GULP1: variants seen among roughly 807,000 people sequenced by gnomAD.
GULP1 encodes PTB domain-containing engulfment adapter protein 1.
In GULP1, 19 loss-of-function variants were observed where a neutral mutation model predicts 40.9. The observed-to-expected ratio is 0.46, with a 90% CI of 0.32 to 0.68. The LOEUF (loss-of-function observed/expected upper bound fraction) is 0.68. GULP1 is among the 30% of genes least tolerant of loss of function. The pLI, the probability that GULP1 is intolerant of heterozygous loss-of-function variation, is 0.03. For synonymous variants in GULP1, 119 were observed against 117.6 expected (o/e 1.01, Z -0.08); for missense variants, 312 against 362.2 (o/e 0.86, Z 1.12).
At chr2:188,332,400 G>T (rs1191559267) in intron 1 of GULP1, among the ~76,000 whole-genome samples, 1 of 152,092 alleles carries the variant, frequency 6.6e-6, no homozygotes, top group African/African-American at 2.4e-5. Context: ...ATGTTGGCCA[G>T]GCTGGTCTTG....
At position 188,594,201 on chromosome 2, in the gene GULP1, C is replaced by T; in HGVS notation, c.*190C>T. The T allele has an allele frequency of 2.4e-6, 1 of 421,162 alleles. No individual in the cohort carries two copies. Among genetic ancestry groups the T allele is most frequent in the South Asian group, 5.6e-5 (1 of 17,778 alleles). 26.1% of individuals were successfully genotyped at this position (421,162 alleles called of 1,614,324 possible). A position where few individuals can be genotyped will look rare whatever the true frequency, so the allele number is the denominator to read the frequency against. ...TAATTTTTATTTTAAAAACAGCTTA[C>T]TGTAAAGTAGATCATACTTTTATGT... On this transcript the variant is annotated 3_prime_UTR_variant, in exon 12 of 12. Coordinates refer to ENST00000409830, the MANE Select transcript of GULP1 (RefSeq NM_016315.4).
At chr2:188,544,476 A>G (rs1691373312) in intron 7 of GULP1, among the ~76,000 whole-genome samples, 1 of 151,986 alleles carries the variant, frequency 6.6e-6, no homozygotes, top group East Asian at 1.9e-4. Flanking sequence ...AATATGGCAC[A>G]TGTATACATA....
chr2:188,375,091 C>G (rs909670088), intron 1 of GULP1, among the ~76,000 whole-genome samples: 1 of 152,124 alleles, frequency 6.6e-6, no homozygotes, highest in Non-Finnish European at 1.5e-5. Context: ...AGACTGTTTC[C>G]TCATCTGTGA....
intron 7 of GULP1, among the ~76,000 whole-genome samples, chr2:188,545,184 G>T (rs1052496946): frequency 6.6e-6 from 1 of 151,242 alleles, no homozygotes; most frequent in Non-Finnish European, 1.5e-5. Context: ...TTAGATGAAT[G>T]AAAATTAAGA....
intron 4 of GULP1, chr2:188,491,576 A>G (rs1413160059): frequency 1.3e-5 from 2 of 152,092 alleles, no homozygotes; most frequent in African/African-American, 4.8e-5. Flanking sequence ...TTGCTTTTCA[A>G]ATATTGATTA....
chr2:188,348,742 TCTTAC>T (rs1316819973), intron 1 of GULP1, among the ~76,000 whole-genome samples: 1 of 152,162 alleles, frequency 6.6e-6, no homozygotes, highest in Non-Finnish European at 1.5e-5. Flanking sequence ...AGTGGTAACA[TCTTAC>T]CTGACTGTAG....
At chr2:188,351,686 A>G (rs1338330350) in intron 1 of GULP1, among the ~76,000 whole-genome samples, 2 of 152,192 alleles carry the variant, frequency 1.3e-5, no homozygotes, top group East Asian at 3.8e-4. Flanking sequence ...TGAAACTTAT[A>G]CATTCATTAG....
chr2:188,427,595 A>G (rs2056369327), intron 2 of GULP1, among the ~76,000 whole-genome samples: 1 of 152,218 alleles, frequency 6.6e-6, no homozygotes, highest in Non-Finnish European at 1.5e-5. Flanking sequence ...CCACTGCTTC[A>G]GAGGGTGCAA....
chr2:188,498,231 G>A (rs1244716556), intron 4 of GULP1, among the ~76,000 whole-genome samples: 1 of 151,840 alleles, frequency 6.6e-6, no homozygotes, highest in Non-Finnish European at 1.5e-5. Context: ...CAGTGTAGCT[G>A]GAGTGTATGT....
intron 2 of GULP1, among the ~76,000 whole-genome samples, chr2:188,464,215 T>C (rs1302128610): frequency 6.6e-6 from 1 of 152,214 alleles, no homozygotes; most frequent in Non-Finnish European, 1.5e-5. Context: ...TGTATCTTCC[T>C]TATGGGGGAC....
intron 1 of GULP1, among the ~76,000 whole-genome samples, chr2:188,370,865 G>A (rs1340904119): frequency 2.0e-5 from 3 of 152,258 alleles, no homozygotes; most frequent in Admixed American, 6.5e-5. Context: ...AAGCATGTGT[G>A]TATGTGTGTG....
At chr2:188,353,827 T>G (rs1010712782) in intron 1 of GULP1, among the ~76,000 whole-genome samples, 1 of 151,620 alleles carries the variant, frequency 6.6e-6, no homozygotes, top group Non-Finnish European at 1.5e-5. Context: ...ACCAAACCCC[T>G]CCTACCCCTA....
chr2:188,554,441 G>A (rs1432251039), intron 7 of GULP1, among the ~76,000 whole-genome samples: 4 of 150,832 alleles, frequency 2.7e-5, no homozygotes, highest in Non-Finnish European at 4.4e-5. Flanking sequence ...TCATGTATTT[G>A]TATATTTTCC....
intron 2 of GULP1, among the ~76,000 whole-genome samples, chr2:188,407,999 G>A (rs2053354402): frequency 6.6e-6 from 1 of 152,218 alleles, no homozygotes; most frequent in South Asian, 2.1e-4. Flanking sequence ...GTAGTGCTGT[G>A]ATTTGAAAAT....
chr2:188,390,132 A>C (rs1314120766), intron 2 of GULP1, among the ~76,000 whole-genome samples: 4 of 152,124 alleles, frequency 2.6e-5, no homozygotes, highest in African/African-American at 9.7e-5. Context: ...CTTTGGGTAG[A>C]TACCCAGTAG....
At chr2:188,531,687 C>A (rs1687581308) in intron 6 of GULP1, among the ~76,000 whole-genome samples, 1 of 152,040 alleles carries the variant, frequency 6.6e-6, no homozygotes, top group Non-Finnish European at 1.5e-5. Flanking sequence ...ATGTAGTTTG[C>A]TGGGAAACAA....
chr2:188,494,480 T>C (rs1305704434), intron 4 of GULP1, among the ~76,000 whole-genome samples: 1 of 151,982 alleles, frequency 6.6e-6, no homozygotes, highest in Non-Finnish European at 1.5e-5. Context: ...GCTATAACAA[T>C]TGGTAAATGC....
intron 2 of GULP1, among the ~76,000 whole-genome samples, chr2:188,470,732 C>A (rs1223352153): frequency 6.6e-6 from 1 of 151,972 alleles, no homozygotes; most frequent in Admixed American, 6.6e-5. Context: ...CAGAATTCTT[C>A]TTGTTATTGA....
intron 9 of GULP1, among the ~76,000 whole-genome samples, chr2:188,583,715 G>A (rs141407903): frequency 1.3e-5 from 2 of 152,186 alleles, no homozygotes; most frequent in African/African-American, 2.4e-5. Context: ...GGAGTAAAAT[G>A]TACTGCAATG....
Sources: gnomAD v4.1 joint callset for allele counts (sites outside exome capture counted in the v4.1 genomes callset) on GRCh38, gnomAD v4.1.1 for gene constraint, MANE v1.5 for transcripts, NCBI Gene and HGNC (gene_info 2026-07-23, HGNC 2026-07-21) for gene names.